The following FOCAD variants were observed in gnomAD, a reference collection of about 807,000 sequenced individuals.
FOCAD encodes the protein KIAA1797.
Under a neutral mutation model 225.6 loss-of-function variants are expected in FOCAD, and 198 were observed. That is an observed-to-expected ratio of 0.88 (90% CI 0.78 to 0.99). The LOEUF is 0.99. Ranked by LOEUF, FOCAD falls within the 50% of genes least tolerant of loss-of-function variation. The pLI is 0.00. For missense variants in FOCAD, 2,713 were observed against 2,123.6 expected (o/e 1.28, Z -5.46); for synonymous variants, 897 against 755.0 (o/e 1.19, Z -3.08).
At chr9:20,693,623 T>C (rs984838557) in intron 1 of FOCAD, among the ~76,000 whole-genome samples, 3 of 152,212 alleles carry the variant, frequency 2.0e-5, no homozygotes. Flanking sequence ...GGATTAGGTA[T>C]CTCTTCCATT....
At chr9:20,659,700 GGCA>G (rs1203470558) in intron 2 of FOCAD, among the ~76,000 whole-genome samples, 1 of 152,196 alleles carries the variant, frequency 6.6e-6, no homozygotes, top group Non-Finnish European at 1.5e-5. Context: ...ACTTTGTTAT[GGCA>G]GCTGTAGCAA....
At position 20,781,836 on chromosome 9, in the gene FOCAD, A is replaced by G. The variant is rs750076084; in HGVS notation, c.1104A>G (p.Ile368Met). The G allele has an allele frequency of 9.9e-6, 16 of 1,614,038 alleles. No individual in the cohort carries two copies. Among genetic ancestry groups the G allele is most frequent in the South Asian group, 2.2e-5 (2 of 91,090 alleles). The change falls in exon 10 of 44, where the codon ATA becomes ATG. Residue 368 changes from isoleucine to methionine, a missense_variant. Coordinates refer to ENST00000338382, the MANE Select transcript of FOCAD (RefSeq NM_001375567.1). ...CTTCTACTGCCTTGGAAGACTGTAT[A>G]TCTGTGGATGAAGAAGGTCCCTCTA... ...ILSSTALEDCISVDEEGPSRQ... is the reference protein window; with the variant it reads ...ILSSTALEDCMSVDEEGPSRQ...
intron 37 of FOCAD, among the ~76,000 whole-genome samples, chr9:20,979,271 A>C (rs1434665934): frequency 6.6e-6 from 1 of 152,176 alleles, no homozygotes; most frequent in Non-Finnish European, 1.5e-5. Flanking sequence ...TTGTTTGAGA[A>C]TAGTGCAAAG....
intron 36 of FOCAD, among the ~76,000 whole-genome samples, chr9:20,977,980 T>C (rs192330801): frequency 1.3e-3 from 204 of 152,316 alleles, no homozygotes; most frequent in Non-Finnish European, 2.2e-3. Flanking sequence ...TTGATATATT[T>C]CTTCATGGTC....
chr9:20,979,138 A>C (rs553358907), intron 37 of FOCAD, among the ~76,000 whole-genome samples: 52 of 152,354 alleles, frequency 3.4e-4, no homozygotes, highest in Admixed American at 9.8e-4. Flanking sequence ...TTAGGTTTCA[A>C]ACTAGAACAG....
intron 15 of FOCAD, among the ~76,000 whole-genome samples, chr9:20,860,408 G>T (rs946024830): frequency 2.6e-5 from 4 of 152,144 alleles, no homozygotes; most frequent in Non-Finnish European, 5.9e-5. Context: ...TTACAGTCAT[G>T]GCCTTTTCTT....
chr9:20,697,804 A>G (rs1399594699), intron 1 of FOCAD, among the ~76,000 whole-genome samples: 1 of 152,250 alleles, frequency 6.6e-6, no homozygotes, highest in Non-Finnish European at 1.5e-5. Context: ...ACTTGATTAA[A>G]ATGAGACTGG....
At position 20,822,162 on chromosome 9, in the gene FOCAD, A is replaced by G. The variant is rs1293826450; in HGVS notation, c.1794-827A>G. Reference sequence around the variant, plus strand: ...AAAGCTGAGGCTCAGGATAGACTGAATATCAGACCAGATCAGTCTACTGCT... The same window carrying G: ...AAAGCTGAGGCTCAGGATAGACTGAGTATCAGACCAGATCAGTCTACTGCT... On this transcript the variant is annotated intron_variant, in intron 14 of 43. Transcript: ENST00000338382. Among the ~76,000 whole-genome samples the G allele has an allele frequency of 2.0e-5, 3 of 152,046 alleles. No homozygotes were observed. In the East Asian group the frequency reaches 5.8e-4, roughly 29 times the overall value.
intron 2 of FOCAD, among the ~76,000 whole-genome samples, chr9:20,663,499 A>ACACACC (rs1563862897): frequency 1.3e-5 from 2 of 151,686 alleles, no homozygotes; most frequent in Non-Finnish European, 1.5e-5. Flanking sequence ...ACACACACAC[A>ACACACC]CACACACATA....
chr9:20,953,602 G>T (rs1837878825), intron 35 of FOCAD, among the ~76,000 whole-genome samples: 1 of 152,190 alleles, frequency 6.6e-6, no homozygotes, highest in Non-Finnish European at 1.5e-5. Context: ...TGAAGACAGA[G>T]ATTGAGTGCC....
Position 20,907,339 on chromosome 9 carries a change from T to A in FOCAD, c.2718+97T>A. 4.7e-6 allele frequency: 4 copies of A among 848,098 alleles called. No individual in the cohort carries two copies. In the Admixed American group the frequency reaches 6.1e-5, roughly 13 times the overall value. The allele number at this position is 848,098 out of a possible 1,614,324, so 52.5% of individuals were successfully genotyped here. A position where few individuals can be genotyped will look rare whatever the true frequency, so the allele number is the denominator to read the frequency against. ...TTTAATATAAAAGCACTTGGGAAAATAGCACTACCAAAAATGTAATGGTTA... is the reference window on the plus strand; with the variant it reads ...TTTAATATAAAAGCACTTGGGAAAAAAGCACTACCAAAAATGTAATGGTTA... On this transcript the variant is annotated intron_variant, in intron 22 of 43. Coordinates refer to ENST00000338382, the MANE Select transcript of FOCAD (RefSeq NM_001375567.1).
intron 21 of FOCAD, among the ~76,000 whole-genome samples, chr9:20,887,861 A>G (rs1332378787): frequency 6.6e-6 from 1 of 152,164 alleles, no homozygotes; most frequent in Non-Finnish European, 1.5e-5. Context: ...GATATAGTCA[A>G]TTAAAAAAAT....
intron 3 of FOCAD, 28 bp from the exon 4 acceptor site, chr9:20,720,352 T>A: frequency 6.2e-7 from 1 of 1,610,718 alleles, no homozygotes; most frequent in Non-Finnish European, 8.5e-7. Flanking sequence ...TCATCAGAAT[T>A]GTCTTCTAAT....
chr9:20,803,518 A>C (rs978518888), intron 11 of FOCAD, among the ~76,000 whole-genome samples: 1 of 152,142 alleles, frequency 6.6e-6, no homozygotes, highest in Non-Finnish European at 1.5e-5. Context: ...GTTGAAGTAA[A>C]AGATGTGTTA....
intron 4 of FOCAD, among the ~76,000 whole-genome samples, chr9:20,722,721 G>A (rs570620653): frequency 2.6e-5 from 4 of 152,250 alleles, no homozygotes; most frequent in South Asian, 2.1e-4. Context: ...GTTTTGAGGA[G>A]AATTTTGAAA....
intron 4 of FOCAD, among the ~76,000 whole-genome samples, chr9:20,722,122 A>G (rs1199728341): frequency 6.7e-6 from 1 of 148,606 alleles, no homozygotes; most frequent in South Asian, 2.2e-4. Context: ...AGCTCACTCA[A>G]GCCTCAAACT....
chr9:20,919,956 A>G (rs1834239055), intron 24 of FOCAD, among the ~76,000 whole-genome samples: 1 of 151,988 alleles, frequency 6.6e-6, no homozygotes, highest in Non-Finnish European at 1.5e-5. Context: ...GCCAAAATTG[A>G]CAAATGGGAT....
At chr9:20,791,480 G>T (rs1459138712) in intron 11 of FOCAD, among the ~76,000 whole-genome samples, 1 of 152,120 alleles carries the variant, frequency 6.6e-6, no homozygotes. Context: ...TCATTTTTGT[G>T]TGTGCATGTT....
intron 9 of FOCAD, among the ~76,000 whole-genome samples, chr9:20,780,551 A>G (rs1180197663): frequency 6.6e-6 from 1 of 152,208 alleles, no homozygotes; most frequent in Non-Finnish European, 1.5e-5. Flanking sequence ...GTAAGGAAGA[A>G]CTGTGGGGAA....
Sources: allele counts gnomAD v4.1 joint callset (sites outside exome capture counted in the v4.1 genomes callset), GRCh38; gene constraint gnomAD v4.1.1; transcripts MANE v1.5; gene names NCBI Gene and HGNC (gene_info 2026-07-23, HGNC 2026-07-21).